The following RASA3 variants were observed in gnomAD, a reference collection of about 807,000 sequenced individuals.
The protein encoded by RASA3 is ras GTPase-activating protein 3.
A neutral mutation model predicts 110.0 loss-of-function variants in RASA3; 73 were observed. The observed-to-expected ratio is 0.66, with a 90% CI of 0.55 to 0.81. The LOEUF (loss-of-function observed/expected upper bound fraction) is 0.81, where lower values mean the gene tolerates loss of function less well. Ranked by LOEUF, RASA3 falls within the 30% of genes least tolerant of loss-of-function variation. The probability of loss-of-function intolerance (pLI) is 0.00; values close to 1 mark genes in which losing one functional copy is unlikely to be tolerated. For synonymous variants in RASA3, 500 were observed against 451.4 expected (o/e 1.11, Z -1.37); for missense variants, 976 against 1,113.2 (o/e 0.88, Z 1.75).
chr13:114,078,213 G>T (rs1013346684), intron 1 of RASA3, among the ~76,000 whole-genome samples: 1 of 152,216 alleles, frequency 6.6e-6, no homozygotes, highest in Non-Finnish European at 1.5e-5. Flanking sequence ...CGGGACGGGG[G>T]CTGCCCCAGC....
intron 2 of RASA3, among the ~76,000 whole-genome samples, chr13:114,055,222 C>T (rs1226018586): frequency 6.6e-6 from 1 of 152,200 alleles, no homozygotes; most frequent in African/African-American, 2.4e-5. Flanking sequence ...TGCTCACAGG[C>T]ATGTGTGCAT....
In RASA3 at chr13:113,979,309, G is replaced by C. The variant is rs780193392; in HGVS notation, c.*38C>G. 1.3e-6 allele frequency: 2 copies of C among 1,522,482 alleles called. No individual in the cohort carries two copies. The highest frequency in any genetic ancestry group is 9.1e-7 in the Non-Finnish European group (1 of 1,097,254). The allele number at this position is 1,522,482 out of a possible 1,614,324, so 94.3% of individuals were successfully genotyped here. A position where few individuals can be genotyped will look rare whatever the true frequency, so the allele number is the denominator to read the frequency against. Reference sequence around the variant, plus strand: ...CTCCCAAAGGCTGCGGCTTTGCATGGGCAGCTTGCTGGCGCCACTGGGCGC... The same window carrying C: ...CTCCCAAAGGCTGCGGCTTTGCATGCGCAGCTTGCTGGCGCCACTGGGCGC... On this transcript the variant is annotated 3_prime_UTR_variant, in exon 24 of 24. Coordinates refer to ENST00000334062, the MANE Select transcript of RASA3 (RefSeq NM_007368.4).
At chr13:114,128,098 G>A (rs1416030578) in intron 1 of RASA3, among the ~76,000 whole-genome samples, 1 of 152,208 alleles carries the variant, frequency 6.6e-6, no homozygotes, top group East Asian at 1.9e-4. Flanking sequence ...AGCACAGGCA[G>A]CTTAGCTGAG....
chr13:114,124,215 G>C (rs1384612249), intron 1 of RASA3, among the ~76,000 whole-genome samples: 2 of 152,192 alleles, frequency 1.3e-5, no homozygotes, highest in African/African-American at 4.8e-5. Context: ...TTCCAAATGT[G>C]GGATTCAAGC....
chr13:114,082,280 G>A lies in RASA3; in HGVS notation c.56-8443C>T, dbSNP rs1284117205. Among the ~76,000 whole-genome samples the A allele has an allele frequency of 3.3e-5, 5 of 152,378 alleles. No individual in the cohort carries two copies. The South Asian group carries it at 6.2e-4, about 19-fold the overall frequency. ...GCAACAGCAGAGCCAGAGCTGCAGC[G>A]TCTGCAGGTGCCCTGGTTTGCCTCA... is the stretch of plus-strand genomic sequence containing the variant. On this transcript the variant is annotated intron_variant, in intron 1 of 23. Transcript: ENST00000334062.
intron 15 of RASA3, among the ~76,000 whole-genome samples, chr13:114,012,703 T>G (rs1594319124): frequency 1.2e-5 from 1 of 83,982 alleles, no homozygotes; most frequent in Non-Finnish European, 2.3e-5. Context: ...ACACTCCTCA[T>G]TCCACACACA....
chr13:114,072,337 C>T (rs946396789), intron 2 of RASA3, among the ~76,000 whole-genome samples: 2 of 152,166 alleles, frequency 1.3e-5, no homozygotes, highest in East Asian at 1.9e-4. Context: ...GGGGTCGGCA[C>T]CCACATCTTC....
rs990820029 is a variant in RASA3 at position 114,075,092 on chromosome 13, G to A, written c.56-1255C>T. On this transcript the variant is annotated intron_variant, in intron 1 of 23. Transcript: ENST00000334062. The stretch of plus-strand genomic sequence containing the variant: ...GACGCAGGATGAGAGGACAGATGCA[G>A]GCACAGGCACCACGCTGAGACCACA... 2.0e-5 allele frequency among the ~76,000 whole-genome samples: 3 copies of A among 151,998 alleles called. No individual in the cohort carries two copies. The East Asian group carries it at 5.8e-4, about 30-fold the overall frequency.
In RASA3 at chr13:114,114,450, C is replaced by T. The variant is rs183468595; in HGVS notation, c.55+17985G>A. On this transcript the variant is annotated intron_variant, in intron 1 of 23. Transcript: ENST00000334062. This position sits in a 1 kb window ranked among gnomAD's most constrained non-coding sequence, Gnocchi z 4.8. ...GGATGGAGGGAGATGAACTAATCAGCAAATGCTCCTTGCACATTTCCTAGC... is the reference window on the plus strand; with the variant it reads ...GGATGGAGGGAGATGAACTAATCAGTAAATGCTCCTTGCACATTTCCTAGC... 3.5e-3 allele frequency among the ~76,000 whole-genome samples: 540 copies of T among 152,296 alleles called. 5 individuals carry two copies. Among genetic ancestry groups the T allele is most frequent in the Non-Finnish European group, 2.5e-3 (173 of 68,030 alleles).
At chr13:114,073,524 C>T (rs9562224) in intron 2 of RASA3, among the ~76,000 whole-genome samples, 196 bp downstream of exon 2, 7,260 of 55,264 alleles carry the variant, frequency 0.13, 33 homozygotes, top group African/African-American at 0.29. Context: ...CGCAGGAAAA[C>T]GGGACGGTGA....
intron 18 of RASA3, among the ~76,000 whole-genome samples, chr13:114,002,489 G>A (rs894108113): frequency 2.0e-5 from 3 of 152,314 alleles, no homozygotes; most frequent in South Asian, 2.1e-4. Context: ...CTACACAGAC[G>A]GGGGTTGGGG....
chr13:114,083,517 C>A (rs1364344571), intron 1 of RASA3, among the ~76,000 whole-genome samples: 1 of 141,420 alleles, frequency 7.1e-6, no homozygotes, highest in Non-Finnish European at 1.6e-5. Flanking sequence ...AGTGCTGAGT[C>A]TGGAGTATCG....
intron 1 of RASA3, among the ~76,000 whole-genome samples, chr13:114,116,800 G>C (rs1272610134): frequency 3.4e-5 from 5 of 147,552 alleles, no homozygotes; most frequent in Admixed American, 1.3e-4. Flanking sequence ...CGTGTGTGAG[G>C]GGTGCATGTG....
chr13:113,992,708 T>G, intron 21 of RASA3, 120 bp from the exon 22 acceptor site: 4 of 801,850 alleles, frequency 5.0e-6, no homozygotes, highest in Non-Finnish European at 8.1e-6. Flanking sequence ...GAAGTGAAAT[T>G]CGACAGGATC....
intron 3 of RASA3, among the ~76,000 whole-genome samples, chr13:114,043,796 G>A (rs1010266101): frequency 6.7e-6 from 1 of 149,904 alleles, no homozygotes; most frequent in African/African-American, 2.4e-5. Flanking sequence ...GAGGGTGGAC[G>A]ACAGCCAGGA....
At chr13:114,067,856 C>T (rs1180956165) in intron 2 of RASA3, among the ~76,000 whole-genome samples, 1 of 152,212 alleles carries the variant, frequency 6.6e-6, no homozygotes, top group Non-Finnish European at 1.5e-5. Context: ...TCTAGAAGAT[C>T]TATCTGTTCC....
intron 10 of RASA3, among the ~76,000 whole-genome samples, 160 bp downstream of exon 10, chr13:114,018,603 G>A (rs1222091549): frequency 6.6e-6 from 1 of 152,148 alleles, no homozygotes; most frequent in African/African-American, 2.4e-5. Context: ...CCCCAGCAAA[G>A]GGGTCCAGGC....
At chr13:114,037,347 G>A (rs1056100479) in intron 4 of RASA3, among the ~76,000 whole-genome samples, 1 of 152,204 alleles carries the variant, frequency 6.6e-6, no homozygotes, top group Non-Finnish European at 1.5e-5. Context: ...TTGGAAGGAA[G>A]GAGGTTCTGA....
chr13:114,128,035 C>G (rs1410571634), intron 1 of RASA3, among the ~76,000 whole-genome samples: 3 of 152,250 alleles, frequency 2.0e-5, no homozygotes, highest in African/African-American at 7.2e-5. Context: ...GGAGCCCCTG[C>G]TGTTTCCCAG....
Sources: allele counts gnomAD v4.1 joint callset (sites outside exome capture counted in the v4.1 genomes callset), GRCh38; gene constraint gnomAD v4.1.1; non-coding constraint Gnocchi (gnomAD v3.1); transcripts MANE v1.5; gene names NCBI Gene and HGNC (gene_info 2026-07-23, HGNC 2026-07-21).